The following AK8 variants were observed in gnomAD, a reference collection of about 807,000 sequenced individuals.
The protein encoded by AK8 is ATP-AMP transphosphorylase 8.
In AK8, 44 loss-of-function variants were observed where a neutral mutation model predicts 54.6. That is an observed-to-expected ratio of 0.81 (90% CI 0.63 to 1.04). AK8 has a LOEUF of 1.04. AK8 is among the 50% of genes least tolerant of loss of function. The probability of loss-of-function intolerance (pLI) is 0.00; values close to 1 mark genes in which losing one functional copy is unlikely to be tolerated. For missense variants in AK8, 555 were observed against 613.6 expected (o/e 0.90, Z 1.01); for synonymous variants, 239 against 245.6 (o/e 0.97, Z 0.25).
chr9:132,820,342 C>T (rs1425347345), intron 9 of AK8, among the ~76,000 whole-genome samples: 2 of 152,048 alleles, frequency 1.3e-5, no homozygotes, highest in Non-Finnish European at 2.9e-5. Flanking sequence ...ATGAGGTCAC[C>T]CCCTGGATAC....
intron 10 of AK8, among the ~76,000 whole-genome samples, chr9:132,805,700 C>G (rs751095896): frequency 1.3e-5 from 2 of 152,156 alleles, no homozygotes; most frequent in East Asian, 3.9e-4. Context: ...CCCGCTTCCT[C>G]TAACTGTGCT....
At chr9:132,861,851 T>C (rs1317980766) in intron 4 of AK8, among the ~76,000 whole-genome samples, 1 of 152,156 alleles carries the variant, frequency 6.6e-6, no homozygotes, top group African/African-American at 2.4e-5. Flanking sequence ...TTCAGAACAT[T>C]TTACTCTTTG....
intron 10 of AK8, among the ~76,000 whole-genome samples, chr9:132,804,465 T>C (rs1840622098): frequency 6.6e-6 from 1 of 151,860 alleles, no homozygotes; most frequent in African/African-American, 2.4e-5. Flanking sequence ...ATCAAGATCG[T>C]GGATGGGGTA....
Position 132,792,778 on chromosome 9 carries a change from G to A in AK8, c.980-3C>T, listed in dbSNP as rs1166837010. 1 of 1,557,860 alleles carries A rather than the reference G, an allele frequency of 6.4e-7. No individual in the cohort carries two copies. Among genetic ancestry groups the A allele is most frequent in the Non-Finnish European group, 8.7e-7 (1 of 1,150,644 alleles). On this transcript the variant is annotated splice_polypyrimidine_tract_variant and splice_region_variant and intron_variant, in intron 10 of 12. Coordinates refer to ENST00000298545, the MANE Select transcript of AK8 (RefSeq NM_152572.3). ...CTTCATGAGGAGGCTGTCAGGAACT[G>A]CAGAGAAGGGGGGCAAGTGAGTACC...
chr9:132,809,306 T>C lies in AK8; in HGVS notation c.979+5332A>G, dbSNP rs993567809. Among the ~76,000 whole-genome samples the C allele has an allele frequency of 2.6e-5, 4 of 152,168 alleles. No homozygotes were observed. The South Asian group carries it at 8.3e-4, about 32-fold the overall frequency. On this transcript the variant is annotated intron_variant, in intron 10 of 12. Transcript: ENST00000298545. ...GAAAGCCTCAGGGGATACAGCAGCA[T>C]GTCCTCCAGTTTCAGGAGGCAGGGC...
intron 11 of AK8, among the ~76,000 whole-genome samples, chr9:132,783,024 AG>A (rs1839543788): frequency 6.6e-6 from 1 of 152,266 alleles, no homozygotes; most frequent in African/African-American, 2.4e-5. Context: ...CTTAATTCCC[AG>A]ATTCTGTGAA....
intron 11 of AK8, among the ~76,000 whole-genome samples, chr9:132,752,326 T>C (rs1233939858): frequency 6.6e-6 from 1 of 151,310 alleles, no homozygotes; most frequent in Non-Finnish European, 1.5e-5. Context: ...CTCTGCTCAC[T>C]GCAGGCTCCA....
At chr9:132,836,469 A>G (rs966649483) in intron 5 of AK8, among the ~76,000 whole-genome samples, 1 of 152,200 alleles carries the variant, frequency 6.6e-6, no homozygotes, top group African/African-American at 2.4e-5. Context: ...TAAAAAGGCA[A>G]ATCTCTGGGA....
chr9:132,800,924 T>C (rs1277183854), intron 10 of AK8, among the ~76,000 whole-genome samples: 2 of 149,790 alleles, frequency 1.3e-5, no homozygotes, highest in African/African-American at 2.5e-5. Context: ...TTGTCCTTTT[T>C]TTTTTTTTTT....
intron 11 of AK8, among the ~76,000 whole-genome samples, chr9:132,780,346 G>A (rs577208045): frequency 3.9e-5 from 6 of 152,352 alleles, no homozygotes; most frequent in African/African-American, 1.4e-4. Context: ...GAGTGCGGAA[G>A]TGACAGCCCC....
chr9:132,816,303 G>A (rs1285924553), intron 9 of AK8, among the ~76,000 whole-genome samples: 1 of 150,606 alleles, frequency 6.6e-6, no homozygotes, highest in African/African-American at 2.4e-5. Context: ...GTAGTGAGCA[G>A]AGATTGGCAC....
chr9:132,846,758 C>T (rs1842769784), intron 5 of AK8, among the ~76,000 whole-genome samples: 1 of 152,220 alleles, frequency 6.6e-6, no homozygotes, highest in Non-Finnish European at 1.5e-5. Context: ...GCCCTGGAGC[C>T]CCTGGGTCAG....
At chr9:132,840,937 G>C (rs1412093251) in intron 5 of AK8, among the ~76,000 whole-genome samples, 1 of 151,982 alleles carries the variant, frequency 6.6e-6, no homozygotes, top group African/African-American at 2.4e-5. Context: ...ACAAAGCCCA[G>C]GTATGAAGAA....
At position 132,861,193 on chromosome 9, in the gene AK8, C is replaced by T. The variant is rs141891050; in HGVS notation, c.333+2472G>A. ...TCCCCGTGGGCTTTGTGACACTGCC[C>T]GATTCCAGACCGTTCCATGCCTTAG... is the stretch of plus-strand genomic sequence containing the variant. On this transcript the variant is annotated intron_variant, in intron 4 of 12. Coordinates refer to ENST00000298545, the MANE Select transcript of AK8 (RefSeq NM_152572.3). Among the ~76,000 whole-genome samples the T allele has an allele frequency of 1.1e-3, 168 of 152,328 alleles. No homozygotes were observed. The East Asian group carries it at 0.026, about 23-fold the overall frequency.
chr9:132,862,334 T>C (rs1298935269), intron 4 of AK8, among the ~76,000 whole-genome samples: 1 of 151,800 alleles, frequency 6.6e-6, no homozygotes, highest in Non-Finnish European at 1.5e-5. Context: ...TCTCTCTTTT[T>C]TTTTTTTTGT....
chr9:132,729,776 A>G (rs555602082), intron 11 of AK8, among the ~76,000 whole-genome samples: 1 of 152,268 alleles, frequency 6.6e-6, no homozygotes, highest in Admixed American at 6.5e-5. Context: ...CATCAACGAC[A>G]ACAACAAGAA....
At chr9:132,779,418 C>T (rs1839366991) in intron 11 of AK8, among the ~76,000 whole-genome samples, 1 of 152,224 alleles carries the variant, frequency 6.6e-6, no homozygotes, top group African/African-American at 2.4e-5. Flanking sequence ...GATTCCTGGG[C>T]TCAAGCAATC....
intron 11 of AK8, among the ~76,000 whole-genome samples, chr9:132,729,492 A>C (rs1836731907): frequency 6.6e-6 from 1 of 152,238 alleles, no homozygotes; most frequent in Non-Finnish European, 1.5e-5. Flanking sequence ...CACAGAGCTA[A>C]GCCAGGTCTT....
At chr9:132,731,597 A>G (rs1836848943) in intron 11 of AK8, among the ~76,000 whole-genome samples, 1 of 152,248 alleles carries the variant, frequency 6.6e-6, no homozygotes, top group African/African-American at 2.4e-5. Context: ...GAAAGGGCTT[A>G]TCACAAGGCT....
Sources: gnomAD v4.1 joint callset for allele counts (sites outside exome capture counted in the v4.1 genomes callset) on GRCh38, gnomAD v4.1.1 for gene constraint, MANE v1.5 for transcripts, NCBI Gene and HGNC (gene_info 2026-07-23, HGNC 2026-07-21) for gene names.